Variants in C1QTNF7 observed in about 807,000 individuals in gnomAD.
C1QTNF7 encodes C1q and TNF related 7.
A neutral mutation model predicts 19.6 loss-of-function variants in C1QTNF7; 15 were observed. The ratio of observed to expected loss-of-function variants is 0.76; its 90% CI spans 0.51 to 1.18. C1QTNF7 has a LOEUF of 1.18. Ranked by LOEUF, C1QTNF7 falls within the 50% of genes most tolerant of loss-of-function variation. C1QTNF7 has a pLI of 0.00. For missense variants in C1QTNF7, 324 were observed against 359.7 expected (o/e 0.90, Z 0.80); for synonymous variants, 142 against 137.5 (o/e 1.03, Z -0.23).
Position 15,428,108 on chromosome 4 carries a change from T to G in C1QTNF7, c.-9+2T>G. ...AGCAGCCCACCATCTAAGAGCAAGG[T>G]ATGGTGTTTACTCTTTTTTTTAGAA... is the stretch of plus-strand genomic sequence containing the variant. On this transcript the variant is annotated splice_donor_variant, in intron 1 of 2. Transcript: ENST00000444304. LOFTEE classifies it low-confidence loss of function (5UTR_SPLICE). The G allele has an allele frequency of 1.0e-6, 1 of 984,232 alleles. No individual in the cohort carries two copies. Among genetic ancestry groups the G allele is most frequent in the Non-Finnish European group, 1.2e-6 (1 of 828,884 alleles). 61.0% of individuals were successfully genotyped at this position (984,232 alleles called of 1,614,324 possible). A position where few individuals can be genotyped will look rare whatever the true frequency, so the allele number is the denominator to read the frequency against.
At chr4:15,352,432 C>T (rs1716973082) in intron 1 of C1QTNF7, among the ~76,000 whole-genome samples, 1 of 152,124 alleles carries the variant, frequency 6.6e-6, no homozygotes, top group African/African-American at 2.4e-5. Context: ...GGATGCAACA[C>T]AAGAATTTAA....
At chr4:15,418,470 C>A (rs1315688904) in intron 1 of C1QTNF7, among the ~76,000 whole-genome samples, 1 of 152,162 alleles carries the variant, frequency 6.6e-6, no homozygotes, top group African/African-American at 2.4e-5. Context: ...TCCTCTCCTG[C>A]CCCAGGGCCC....
At chr4:15,346,315 G>C (rs572919248) in intron 1 of C1QTNF7, among the ~76,000 whole-genome samples, 7 of 152,160 alleles carry the variant, frequency 4.6e-5, no homozygotes, top group African/African-American at 1.7e-4. Context: ...AGAGAAAATT[G>C]GTTCTAATTA....
chr4:15,404,927 C>T (rs892845191), intron 1 of C1QTNF7, among the ~76,000 whole-genome samples: 6 of 152,132 alleles, frequency 3.9e-5, no homozygotes, highest in African/African-American at 1.4e-4. Context: ...GTAATTGCTT[C>T]AATTTTAATG....
intron 1 of C1QTNF7, among the ~76,000 whole-genome samples, chr4:15,431,149 T>C (rs1712292224): frequency 6.6e-6 from 1 of 152,086 alleles, no homozygotes; most frequent in Non-Finnish European, 1.5e-5. Flanking sequence ...AAGAAAATAG[T>C]CCAAATACCC....
intron 1 of C1QTNF7, among the ~76,000 whole-genome samples, chr4:15,359,917 C>A (rs969232842): frequency 1.3e-5 from 2 of 152,174 alleles, no homozygotes; most frequent in African/African-American, 4.8e-5. Context: ...TACTCCCACC[C>A]TTCCTAGACA....
chr4:15,359,050 T>C (rs1717246804), intron 1 of C1QTNF7, among the ~76,000 whole-genome samples: 1 of 152,164 alleles, frequency 6.6e-6, no homozygotes, highest in African/African-American at 2.4e-5. Context: ...GGACTCTCCT[T>C]TCCCCTTTCA....
rs555961732 is a variant in C1QTNF7 at position 15,413,104 on chromosome 4, C to T, written c.14-22632C>T. Among the ~76,000 whole-genome samples the T allele has an allele frequency of 5.9e-5, 9 of 152,338 alleles. No individual in the cohort carries two copies. The East Asian group carries it at 1.2e-3, about 20-fold the overall frequency. ...GTCCACTGTAGCAAGATAACCAACA[C>T]CAAATTTGATCAAAATGAACAGCAT... On this transcript the variant is annotated intron_variant, in intron 1 of 2. Coordinates refer to the C1QTNF7 transcript ENST00000295297.
At chr4:15,411,674 G>T (rs1157233206) in intron 1 of C1QTNF7, among the ~76,000 whole-genome samples, 3 of 152,266 alleles carry the variant, frequency 2.0e-5, no homozygotes, top group South Asian at 2.1e-4. Context: ...TACAGCCCTG[G>T]CAGGGTCTCC....
chr4:15,404,405 AT>A (rs1438126331), intron 1 of C1QTNF7, among the ~76,000 whole-genome samples: 6 of 152,318 alleles, frequency 3.9e-5, no homozygotes, highest in Admixed American at 2.6e-4. Flanking sequence ...CTCAGTCCTG[AT>A]TTTCACCAGG....
upstream of C1QTNF7, chr4:15,428,001 G>T (rs147687156): frequency 5.1e-6 from 5 of 982,626 alleles, no homozygotes; most frequent in East Asian, 4.5e-4. Context: ...ATTTGGATCT[G>T]TTATTCTGTC....
chr4:15,427,287 C>T (rs1712094249), upstream of C1QTNF7, among the ~76,000 whole-genome samples: 1 of 152,010 alleles, frequency 6.6e-6, no homozygotes, highest in South Asian at 2.1e-4. Context: ...CCATAAATGA[C>T]ATCATAAATT....
In C1QTNF7 at chr4:15,371,066, C is replaced by T. The variant is rs568892893; in HGVS notation, c.13+30859C>T. ...GTTCCTACACATCTTCACGCCCTGT[C>T]CCGTCAGCTCTTTCTAGGAAGAGAC... On this transcript the variant is annotated intron_variant, in intron 1 of 2. Transcript: ENST00000295297. 9.2e-5 allele frequency among the ~76,000 whole-genome samples: 14 copies of T among 152,316 alleles called. No homozygotes were observed. The South Asian group carries it at 2.9e-3, about 32-fold the overall frequency.
chr4:15,397,583 G>A (rs761102587), intron 1 of C1QTNF7, among the ~76,000 whole-genome samples: 7 of 152,198 alleles, frequency 4.6e-5, no homozygotes, highest in African/African-American at 1.4e-4. Context: ...TTACAGCTCC[G>A]TGTCACACTG....
intron 1 of C1QTNF7, among the ~76,000 whole-genome samples, chr4:15,354,973 T>C (rs1376681534): frequency 6.6e-6 from 1 of 152,134 alleles, no homozygotes; most frequent in Non-Finnish European, 1.5e-5. Context: ...GGGAATATCC[T>C]AGCCAGGGCG....
At chr4:15,425,743 AG>A (rs1249380621), upstream of C1QTNF7, among the ~76,000 whole-genome samples, 1 of 152,234 alleles carries the variant, frequency 6.6e-6, no homozygotes, top group Non-Finnish European at 1.5e-5. Context: ...TGAGGATTAA[AG>A]AAAGTGATGC....
rs750467017 is a variant in C1QTNF7 at position 15,435,760 on chromosome 4, A to G, written c.17A>G (p.Tyr6Cys). Residue 6 changes from tyrosine (Y) to cysteine (C), a missense_variant, in exon 2 of 3, where the codon TAT becomes TGT. Coordinates refer to ENST00000444304, the MANE Select transcript of C1QTNF7 (RefSeq NM_031911.5). ...GAGCCAAAGATGTTTGTCTTGCTCT[A>G]TGTTACAAGTTTTGCCATTTGTGCC... MFVLLYVTSFAICASG... is the reference protein window; with the variant it reads MFVLLCVTSFAICASG... 2 of 1,614,184 alleles carry G rather than the reference A, an allele frequency of 1.2e-6. No homozygotes were observed. Among genetic ancestry groups the G allele is most frequent in the South Asian group, 2.2e-5 (2 of 91,082 alleles).
exon 1 of C1QTNF7, chr4:15,340,207 G>A (rs1716491202): frequency 6.4e-7 from 1 of 1,551,544 alleles, no homozygotes; most frequent in Non-Finnish European, 8.7e-7. Context: ...GTCCAGACAA[G>A]GTAAGCTACC....
upstream of C1QTNF7, among the ~76,000 whole-genome samples, chr4:15,424,141 T>A (rs976392734): frequency 6.6e-6 from 1 of 152,142 alleles, no homozygotes; most frequent in Non-Finnish European, 1.5e-5. Context: ...ACATGAACAA[T>A]TTTATTAGTC....
Sources: allele counts gnomAD v4.1 joint callset (sites outside exome capture counted in the v4.1 genomes callset), GRCh38; gene constraint gnomAD v4.1.1; transcripts MANE v1.5; gene names NCBI Gene and HGNC (gene_info 2026-07-23, HGNC 2026-07-21).